The following ADAMTS5 variants were observed in gnomAD, a reference collection of about 807,000 sequenced individuals.
ADAMTS5 encodes the protein ADAM metallopeptidase with thrombospondin type 1 motif 5.
ADAMTS5 carries 54 observed loss-of-function variants against 81.4 expected under a neutral mutation model. The ratio of observed to expected loss-of-function variants is 0.66; its 90% CI spans 0.53 to 0.83. The LOEUF is 0.83. ADAMTS5 is among the 40% of genes least tolerant of loss of function. ADAMTS5 has a pLI of 0.00. For missense variants in ADAMTS5, 1,194 were observed against 1,229.9 expected, an observed-to-expected ratio of 0.97 and a Z score of 0.44; for synonymous variants, 532 against 508.8, an observed-to-expected ratio of 1.05 and a Z score of -0.61.
At chr21:26,931,911 A>G (rs1168653967) in intron 6 of ADAMTS5, 93 bp downstream of exon 6, 2 of 1,322,522 alleles carry the variant, frequency 1.5e-6, no homozygotes, top group African/African-American at 1.5e-5. Flanking sequence ...CCCCAAACTA[A>G]TAACTGTTTA....
At chr21:26,925,634 T>C (rs901676630) in intron 7 of ADAMTS5, among the ~76,000 whole-genome samples, 2 of 152,238 alleles carry the variant, frequency 1.3e-5, no homozygotes, top group Admixed American at 6.5e-5. Context: ...CCCTTCACTT[T>C]CCTAGTTATT....
At chr21:26,932,700 C>CAAAAAA (rs199880148) in intron 5 of ADAMTS5, among the ~76,000 whole-genome samples, 161 bp downstream of exon 5, 3 of 148,256 alleles carry the variant, frequency 2.0e-5, no homozygotes, top group Non-Finnish European at 4.5e-5. Context: ...GACTCCATCT[C>CAAAAAA]AAAAAAAAAC....
At chr21:26,936,296 A>T (rs746539826) in intron 3 of ADAMTS5, among the ~76,000 whole-genome samples, 9 of 152,212 alleles carry the variant, frequency 5.9e-5, no homozygotes, top group Non-Finnish European at 1.2e-4. Context: ...TATTTTCAAG[A>T]TCTGCATAAT....
At chr21:26,955,689 C>T (rs547325700) in intron 1 of ADAMTS5, among the ~76,000 whole-genome samples, 4 of 152,074 alleles carry the variant, frequency 2.6e-5, no homozygotes, top group South Asian at 4.2e-4. Context: ...AAATATAAGC[C>T]GCAACTTTTT....
chr21:26,929,709 C>A (rs1270915734), intron 7 of ADAMTS5, among the ~76,000 whole-genome samples, 177 bp downstream of exon 7: 1 of 152,156 alleles, frequency 6.6e-6, no homozygotes, highest in South Asian at 2.1e-4. Flanking sequence ...CCCTGAGCAA[C>A]CAGAGTTTTA....
At chr21:26,926,426 A>T (rs1986806972) in intron 7 of ADAMTS5, among the ~76,000 whole-genome samples, 1 of 152,188 alleles carries the variant, frequency 6.6e-6, no homozygotes, top group African/African-American at 2.4e-5. Flanking sequence ...TAATCCCAGC[A>T]CTTTGGGAGA....
At chr21:26,956,080 T>C (rs537973018) in intron 1 of ADAMTS5, among the ~76,000 whole-genome samples, 2 of 152,278 alleles carry the variant, frequency 1.3e-5, no homozygotes, top group African/African-American at 4.8e-5. Flanking sequence ...ACATCTTTAA[T>C]ATGCTGTATG....
rs745618624 is a variant in ADAMTS5 at position 26,924,183 on chromosome 21, G to A, written c.2663C>T (p.Ser888Phe). Residue 888 changes from serine to phenylalanine, a missense_variant, in exon 8 of 8, where the codon TCT becomes TTT. Ser to Phe is a radical substitution (Grantham distance 155). Transcript: ENST00000284987. The part of the protein sequence containing the change: ...QWVTGPWLAC[S>F]RTCDTGWHTR... ...GTGCCAACCTGTGTCACAGGTCCTAGAGCAGGCGAGCCATGGGCCCGTGAC... is the reference window on the plus strand; with the variant it reads ...GTGCCAACCTGTGTCACAGGTCCTAAAGCAGGCGAGCCATGGGCCCGTGAC... 4.3e-6 allele frequency: 7 copies of A among 1,614,080 alleles called. No individual in the cohort carries two copies. In the African/African-American group the frequency reaches 6.7e-5, roughly 15 times the overall value.
chr21:26,949,526 A>G (rs892549492), intron 2 of ADAMTS5, among the ~76,000 whole-genome samples: 24 of 152,092 alleles, frequency 1.6e-4, no homozygotes, highest in African/African-American at 4.1e-4. Context: ...GGGAAGAGGA[A>G]ACTTCCTAAA....
chr21:26,926,708 T>G (rs1395777935), intron 7 of ADAMTS5, among the ~76,000 whole-genome samples: 1 of 150,604 alleles, frequency 6.6e-6, no homozygotes, highest in African/African-American at 2.4e-5. Context: ...GACTCCCAAT[T>G]AGCGCTCTTT....
Position 26,966,350 on chromosome 21 carries a change from G to T in ADAMTS5, c.42C>A (p.Arg14=). The change falls in exon 1 of 8, where the codon CGC becomes CGA. Residue 14 remains arginine (R), a synonymous_variant. Transcript: ENST00000284987. ...CGGGGCCGACCGCGGCCAGGGGCAGGCGGAACGCGCACAGCAGCAGGGACG... is the reference window on the plus strand; with the variant it reads ...CGGGGCCGACCGCGGCCAGGGGCAGTCGGAACGCGCACAGCAGCAGGGACG... ...GWASLLLCAF[R]LPLAAVGPAA... 1 of 1,502,594 alleles carries T rather than the reference G, an allele frequency of 6.7e-7. No individual in the cohort carries two copies. Among genetic ancestry groups the T allele is most frequent in the Admixed American group, 2.1e-5 (1 of 46,930 alleles). 93.1% of individuals were successfully genotyped at this position (1,502,594 alleles called of 1,614,324 possible). A position where few individuals can be genotyped will look rare whatever the true frequency, so the allele number is the denominator to read the frequency against.
intron 1 of ADAMTS5, among the ~76,000 whole-genome samples, chr21:26,964,194 T>G (rs2123211486): frequency 6.6e-6 from 1 of 152,308 alleles, no homozygotes; most frequent in South Asian, 2.1e-4. Flanking sequence ...AAGTCAATTC[T>G]TACCAGGCAT....
In ADAMTS5 at chr21:26,918,572, G is replaced by A. The variant is rs149543252; in HGVS notation, c.*5481C>T. The A allele has an allele frequency of 8.4e-4, 127 of 152,080 alleles. 1 individual carries two copies. The highest frequency in any genetic ancestry group is 2.8e-3 in the African/African-American group (118 of 41,532). The allele number at this position is 152,080 out of a possible 1,614,324, so 9.4% of individuals were successfully genotyped here. ...TTTCAACTCGTAATTGTAGCAAGAT[G>A]AGCCATCAAGGTTTACGTTGTGCCT... On this transcript the variant is annotated 3_prime_UTR_variant, in exon 8 of 8. Transcript: ENST00000284987.
chr21:26,939,120 G>A (rs1327304273), intron 3 of ADAMTS5, among the ~76,000 whole-genome samples: 1 of 152,052 alleles, frequency 6.6e-6, no homozygotes, highest in African/African-American at 2.4e-5. Context: ...GGGTGCATTT[G>A]CCTGCTCTTT....
In ADAMTS5 at chr21:26,965,710, G is replaced by A. The variant is rs759397098; in HGVS notation, c.682C>T (p.Pro228Ser). Residue 228 changes from proline to serine, a missense_variant, in exon 1 of 8, where the codon CCG (proline) becomes TCG (serine). Physicochemically the swap from Pro to Ser is moderately conservative, Grantham distance 74. This residue lies in a region of ADAMTS5 where 498 missense variants were observed against 412.3 expected (regional missense o/e 1.21). Transcript: ENST00000284987. ...AHEHAPAHSNPSGRAALASQL... is the reference protein window; with the variant it reads ...AHEHAPAHSNSSGRAALASQL... ...GAGGCCAGTGCTGCGCGTCCGCTCG[G>A]GTTGCTGTGCGCCGGAGCATGCTCG... 2 of 1,585,216 alleles carry A rather than the reference G, an allele frequency of 1.3e-6. No individual in the cohort carries two copies. Among genetic ancestry groups the A allele is most frequent in the South Asian group, 1.1e-5 (1 of 87,620 alleles).
chr21:26,918,494 C>A lies in ADAMTS5; in HGVS notation c.*5559G>T, dbSNP rs1986623963. 6.6e-6 allele frequency: 1 copy of A among 151,970 alleles called. No homozygotes were observed. The highest frequency in any genetic ancestry group is 1.5e-5 in the Non-Finnish European group (1 of 67,918). The allele number at this position is 151,970 out of a possible 1,614,324, so 9.4% of individuals were successfully genotyped here. The stretch of plus-strand genomic sequence containing the variant: ...TTATCTGCAAAGTCTATTTACAAAG[C>A]ATATGTATGATTTCCTCTGACTAAT... On this transcript the variant is annotated 3_prime_UTR_variant, in exon 8 of 8. Transcript: ENST00000284987.
chr21:26,936,517 T>C (rs891122823), intron 3 of ADAMTS5, among the ~76,000 whole-genome samples: 5 of 152,204 alleles, frequency 3.3e-5, no homozygotes, highest in African/African-American at 1.2e-4. Context: ...ATTTTAAGTA[T>C]ACTGTAAATT....
chr21:26,927,037 T>C (rs924908206), intron 7 of ADAMTS5, among the ~76,000 whole-genome samples: 4 of 152,166 alleles, frequency 2.6e-5, no homozygotes, highest in Non-Finnish European at 4.4e-5. Flanking sequence ...TTGATATTCC[T>C]GATTCCTTTT....
At chr21:26,962,705 C>T (rs1478120023) in intron 1 of ADAMTS5, among the ~76,000 whole-genome samples, 1 of 152,214 alleles carries the variant, frequency 6.6e-6, no homozygotes, top group African/African-American at 2.4e-5. Context: ...AAGCAACGCA[C>T]TTCTTACATT....
Sources: gnomAD v4.1 joint callset for allele counts (sites outside exome capture counted in the v4.1 genomes callset) on GRCh38, gnomAD v4.1.1 for gene constraint, gnomAD v4.1.1 regional missense constraint, MANE v1.5 for transcripts, NCBI Gene and HGNC (gene_info 2026-07-23, HGNC 2026-07-21) for gene names.